The following RP1 variants were observed in gnomAD, a reference collection of about 807,000 sequenced individuals.
RP1 encodes oxygen-regulated protein 1.
Under a neutral mutation model 14.8 loss-of-function variants are expected in RP1, and 16 were observed. That is an observed-to-expected ratio of 1.08 (90% confidence interval 0.73 to 1.65). The LOEUF (loss-of-function observed/expected upper bound fraction) is 1.65, where lower values mean the gene tolerates loss of function less well. Among genes scored for constraint, RP1 ranks in the 40% most tolerant of loss-of-function variants. The pLI is 0.00. For missense variants in RP1, 2,631 were observed against 2,535.0 expected (o/e 1.04, Z -0.81); for synonymous variants, 876 against 883.6 (o/e 0.99, Z 0.15).
chr8:54,730,034 T>C (rs573622644), intron 17 of RP1, among the ~76,000 whole-genome samples: 33 of 152,194 alleles, frequency 2.2e-4, no homozygotes, highest in African/African-American at 6.5e-4. Flanking sequence ...GTGTAAGTTT[T>C]CGTTCATCAT....
At chr8:54,667,733 A>G (rs1807051071) in intron 7 of RP1, among the ~76,000 whole-genome samples, 1 of 152,074 alleles carries the variant, frequency 6.6e-6, no homozygotes, top group South Asian at 2.1e-4. Context: ...ACGTCCATGG[A>G]AGAACTGAAA....
At chr8:54,692,170 T>C (rs1807730555) in intron 12 of RP1, among the ~76,000 whole-genome samples, 1 of 151,780 alleles carries the variant, frequency 6.6e-6, no homozygotes, top group Non-Finnish European at 1.5e-5. Context: ...GGCTGCATAG[T>C]ATTCCATGGT....
intron 24 of RP1, among the ~76,000 whole-genome samples, chr8:54,823,011 T>C (rs1811295378): frequency 6.6e-6 from 1 of 152,204 alleles, no homozygotes; most frequent in Admixed American, 6.5e-5. Flanking sequence ...CCACAGTGGT[T>C]TCATCTCACA....
chr8:54,831,333 C>T (rs1200468194), intron 24 of RP1, among the ~76,000 whole-genome samples: 1 of 149,682 alleles, frequency 6.7e-6, no homozygotes, highest in East Asian at 1.9e-4. Flanking sequence ...TTTATATATT[C>T]TGGATATCTC....
intron 15 of RP1, among the ~76,000 whole-genome samples, chr8:54,713,660 T>C (rs1808340579): frequency 6.6e-6 from 1 of 152,180 alleles, no homozygotes; most frequent in Non-Finnish European, 1.5e-5. Context: ...TAAAAACACA[T>C]GAAAGCATAT....
intron 1 of RP1, among the ~76,000 whole-genome samples, chr8:54,588,845 A>G (rs997036060): frequency 2.0e-5 from 3 of 152,242 alleles, no homozygotes; most frequent in African/African-American, 7.2e-5. Flanking sequence ...TTTCTAGAAT[A>G]TCTACCATTT....
intron 16 of RP1, among the ~76,000 whole-genome samples, chr8:54,725,891 G>T (rs914302614): frequency 6.6e-6 from 1 of 152,134 alleles, no homozygotes; most frequent in African/African-American, 2.4e-5. Flanking sequence ...GTAAAAGGTA[G>T]AAAAGTAGCT....
At chr8:54,570,275 T>C (rs1189365648) in intron 1 of RP1, among the ~76,000 whole-genome samples, 2 of 152,052 alleles carry the variant, frequency 1.3e-5, no homozygotes, top group African/African-American at 4.8e-5. Flanking sequence ...CTGTCTCCAT[T>C]CTTCAGAAAC....
intron 4 of RP1, among the ~76,000 whole-genome samples, chr8:54,649,501 T>A (rs536472900): frequency 1.3e-5 from 2 of 152,308 alleles, no homozygotes; most frequent in East Asian, 3.9e-4. Flanking sequence ...CATCAAGTTG[T>A]TAATTACTGG....
chr8:54,663,577 T>G, intron 6 of RP1: 1 of 901,746 alleles, frequency 1.1e-6, no homozygotes, highest in Non-Finnish European at 1.5e-6. Flanking sequence ...CTGCCTGTGG[T>G]TTCTGGCATC....
At chr8:54,796,154 T>G (rs893450433) in intron 24 of RP1, among the ~76,000 whole-genome samples, 5 of 152,208 alleles carry the variant, frequency 3.3e-5, no homozygotes, top group African/African-American at 1.2e-4. Flanking sequence ...AGATTTTAGC[T>G]TCTTGACCAC....
intron 17 of RP1, among the ~76,000 whole-genome samples, chr8:54,726,658 A>G (rs905783087): frequency 1.5e-4 from 23 of 152,092 alleles, no homozygotes; most frequent in Non-Finnish European, 1.6e-4. Flanking sequence ...AAGAATACAT[A>G]TATTTTTAAA....
chr8:54,674,176 T>TA (rs1477353344), intron 8 of RP1, among the ~76,000 whole-genome samples: 4 of 152,130 alleles, frequency 2.6e-5, no homozygotes, highest in African/African-American at 9.7e-5. Flanking sequence ...AGAGTAATTT[T>TA]AAAAAATAGA....
At chr8:54,689,144 AT>A (rs1195265662) in intron 12 of RP1, among the ~76,000 whole-genome samples, 3 of 152,026 alleles carry the variant, frequency 2.0e-5, no homozygotes, top group Non-Finnish European at 2.9e-5. Flanking sequence ...AATGCTTGTG[AT>A]TTTTTTACAT....
At chr8:54,611,898 TTC>T (rs1805605811), upstream of RP1, among the ~76,000 whole-genome samples, 2 of 132,974 alleles carry the variant, frequency 1.5e-5, no homozygotes, top group South Asian at 2.8e-4. Context: ...CCTTCCTTCC[TTC>T]CTTCCTTCCT....
intron 17 of RP1, among the ~76,000 whole-genome samples, chr8:54,732,013 T>G (rs576863588): frequency 6.6e-6 from 1 of 152,306 alleles, no homozygotes. Context: ...TGCAAAAGGA[T>G]TTGCCAACTC....
chr8:54,781,711 G>T (rs1325228724), intron 23 of RP1, among the ~76,000 whole-genome samples: 1 of 152,220 alleles, frequency 6.6e-6, no homozygotes, highest in East Asian at 1.9e-4. Context: ...TAAGTGATTA[G>T]ATTTTTAAAG....
downstream of RP1, among the ~76,000 whole-genome samples, chr8:54,773,186 C>T (rs1563372054): frequency 6.6e-6 from 1 of 152,138 alleles, no homozygotes; most frequent in Non-Finnish European, 1.5e-5. Flanking sequence ...GCTGAGTGCT[C>T]ACCACTCACT....
chr8:54,636,569 C>G (rs1485616921), intron 3 of RP1, among the ~76,000 whole-genome samples: 1 of 152,142 alleles, frequency 6.6e-6, no homozygotes, highest in Non-Finnish European at 1.5e-5. Context: ...GAAACCCGTT[C>G]TTTACTAAAA....
Sources: gnomAD v4.1 joint callset for allele counts (sites outside exome capture counted in the v4.1 genomes callset) on GRCh38, gnomAD v4.1.1 for gene constraint, MANE v1.5 for transcripts, NCBI Gene and HGNC (gene_info 2026-07-23, HGNC 2026-07-21) for gene names.